The following ITPK1 variants were observed in gnomAD, a reference collection of about 807,000 sequenced individuals.
ITPK1 encodes the protein inositol 1,3,4-trisphosphate 5/6-kinase.
In ITPK1, 21 loss-of-function variants were observed where a neutral mutation model predicts 45.3. The observed-to-expected ratio is 0.46, with a 90% CI of 0.33 to 0.67. The LOEUF (loss-of-function observed/expected upper bound fraction) is 0.67, where lower values mean the gene tolerates loss of function less well. ITPK1 is among the 30% of genes least tolerant of loss of function. The pLI is 0.02. For synonymous variants in ITPK1, 258 were observed against 253.6 expected, an observed-to-expected ratio of 1.02 and a Z score of -0.16; for missense variants, 474 against 573.5, an observed-to-expected ratio of 0.83 and a Z score of 1.77.
At chr14:93,060,427 C>T (rs567591752) in intron 3 of ITPK1, among the ~76,000 whole-genome samples, 2 of 152,118 alleles carry the variant, frequency 1.3e-5, no homozygotes, top group East Asian at 1.9e-4. Context: ...GCCACAGAGA[C>T]GAGCACAGAA....
rs974122701 is a variant in ITPK1, at chr14:93,076,105, T to C, written c.120+490A>G. Among the ~76,000 whole-genome samples the C allele has an allele frequency of 1.3e-5, 2 of 151,382 alleles. No homozygotes were observed. Among genetic ancestry groups the C allele is most frequent in the African/African-American group, 4.9e-5 (2 of 41,200 alleles). The stretch of plus-strand genomic sequence containing the variant: ...TCCATCCTTCCTTCTCCCTCCATCC[T>C]TCCTTCTCCCTCCATCTGTCCACCT... On this transcript the variant is annotated intron_variant, in intron 3 of 10. Coordinates refer to ENST00000267615, the MANE Select transcript of ITPK1 (RefSeq NM_014216.6). The surrounding 1 kb of genome is among the most constrained non-coding windows in gnomAD (Gnocchi z 4.3).
intron 3 of ITPK1, among the ~76,000 whole-genome samples, chr14:93,019,485 T>A (rs1888359341): frequency 6.6e-6 from 1 of 152,202 alleles, no homozygotes; most frequent in South Asian, 2.1e-4. Flanking sequence ...TCCAAGCATT[T>A]TCATGCCAGT....
At chr14:93,040,012 C>T (rs964071880) in intron 3 of ITPK1, among the ~76,000 whole-genome samples, 1 of 152,268 alleles carries the variant, frequency 6.6e-6, no homozygotes, top group African/African-American at 2.4e-5. Context: ...CTCCTGCCAG[C>T]CCCTGCTGGG....
At chr14:92,949,565 C>T (rs1887859782) in intron 9 of ITPK1, among the ~76,000 whole-genome samples, 1 of 152,210 alleles carries the variant, frequency 6.6e-6, no homozygotes, top group Admixed American at 6.5e-5. Flanking sequence ...TACCCTAAGC[C>T]ATAACAGAAC....
intron 5 of ITPK1, among the ~76,000 whole-genome samples, chr14:92,991,949 C>T (rs1357632348): frequency 6.6e-6 from 1 of 152,220 alleles, no homozygotes; most frequent in Non-Finnish European, 1.5e-5. Flanking sequence ...TATCCTGACC[C>T]CTGACCCCGT....
intron 4 of ITPK1, among the ~76,000 whole-genome samples, chr14:92,995,928 C>T (rs1045244094): frequency 4.6e-5 from 7 of 152,254 alleles, no homozygotes; most frequent in African/African-American, 9.6e-5. Context: ...CCTGATCCCT[C>T]GTCTCATTTG....
At position 92,995,135 on chromosome 14, in the gene ITPK1, G is replaced by A. The variant is rs368581276; in HGVS notation, c.247-1138C>T. Among the ~76,000 whole-genome samples the A allele has an allele frequency of 9.8e-5, 15 of 152,322 alleles. No individual in the cohort carries two copies. The East Asian group carries it at 1.2e-3, about 12-fold the overall frequency. On this transcript the variant is annotated intron_variant, in intron 4 of 10. Transcript: ENST00000267615. The stretch of plus-strand genomic sequence containing the variant: ...GCCTCCGGAGGGAGCCACTGCTGAC[G>A]CCCTGACTGGAGCTGTTGGCCCCCT...
At chr14:93,057,593 A>G (rs2139941763) in intron 3 of ITPK1, among the ~76,000 whole-genome samples, 1 of 152,370 alleles carries the variant, frequency 6.6e-6, no homozygotes, top group South Asian at 2.1e-4. Context: ...TTTTCTGAAG[A>G]ATCAGGGATT....
intron 5 of ITPK1, among the ~76,000 whole-genome samples, chr14:92,993,278 C>T (rs1422560189): frequency 6.6e-6 from 1 of 152,254 alleles, no homozygotes; most frequent in African/African-American, 2.4e-5. Flanking sequence ...ATGAATCTCT[C>T]CACAAAGTCT....
chr14:93,007,405 G>A (rs1038271963), intron 4 of ITPK1, among the ~76,000 whole-genome samples: 1 of 118,592 alleles, frequency 8.4e-6, no homozygotes, highest in Non-Finnish European at 1.6e-5. Context: ...CCCAGAATAA[G>A]CCAATGCCTC....
chr14:93,082,008 A>G (rs927599983), intron 2 of ITPK1, among the ~76,000 whole-genome samples: 2 of 152,088 alleles, frequency 1.3e-5, no homozygotes, highest in South Asian at 2.1e-4. Context: ...TTCAGGGTTC[A>G]TCGCACTCCG....
intron 2 of ITPK1, among the ~76,000 whole-genome samples, chr14:93,100,411 C>A (rs745424774): frequency 1.3e-5 from 2 of 152,108 alleles, no homozygotes; most frequent in African/African-American, 4.8e-5. Context: ...ACCTAAGGAA[C>A]GCCACAGTGC....
At position 92,937,461 on chromosome 14, in the gene ITPK1, G is replaced by A. The variant is rs760385623; in HGVS notation, c.*4100C>T. ...CACCACCAGGTCACAGATGACTCTTGAAGGGAAAATGTAATCATTTCTGAA... is the reference window on the plus strand; with the variant it reads ...CACCACCAGGTCACAGATGACTCTTAAAGGGAAAATGTAATCATTTCTGAA... On this transcript the variant is annotated 3_prime_UTR_variant, in exon 11 of 11. Transcript: ENST00000267615. 1 of 152,172 alleles carries A rather than the reference G, an allele frequency of 6.6e-6. No homozygotes were observed. The highest frequency in any genetic ancestry group is 1.5e-5 in the Non-Finnish European group (1 of 68,048). 9.4% of individuals were successfully genotyped at this position (152,172 alleles called of 1,614,324 possible).
rs34131872 is a variant in ITPK1, at chr14:93,112,437, ATT to A, written c.95+2630_95+2631del. ...TTGCCCAAACATTAAGAGCAGGGCC[ATT>A]TTTTTTTTTTTTTTTTTTGAGATGG... is the stretch of plus-strand genomic sequence containing the variant. On this transcript the variant is annotated intron_variant, in intron 2 of 10. Coordinates refer to ENST00000267615, the MANE Select transcript of ITPK1 (RefSeq NM_014216.6). Among the ~76,000 whole-genome samples, 994 of 122,592 alleles carry A rather than the reference ATT, an allele frequency of 8.1e-3. 8 individuals carry two copies. The highest frequency in any genetic ancestry group is 0.029 in the African/African-American group (891 of 31,134). The allele number at this position is 122,592 out of a possible 152,430, so 80.4% of individuals were successfully genotyped here. A position where few individuals can be genotyped will look rare whatever the true frequency, so the allele number is the denominator to read the frequency against.
chr14:92,990,106 C>G (rs1480842105), intron 5 of ITPK1, among the ~76,000 whole-genome samples: 1 of 152,196 alleles, frequency 6.6e-6, no homozygotes, highest in Non-Finnish European at 1.5e-5. Flanking sequence ...CGAATTGTAG[C>G]TGGGCATGTG....
chr14:92,970,600 G>C (rs1470866611), intron 5 of ITPK1, among the ~76,000 whole-genome samples: 2 of 152,206 alleles, frequency 1.3e-5, no homozygotes, highest in African/African-American at 4.8e-5. Flanking sequence ...GCAGGGCACT[G>C]GGGACAGGAT....
chr14:93,092,082 T>C (rs1291885481), intron 2 of ITPK1, among the ~76,000 whole-genome samples: 1 of 152,146 alleles, frequency 6.6e-6, no homozygotes, highest in Non-Finnish European at 1.5e-5. Context: ...AGAACCCTTT[T>C]ATAAGCAAGG....
chr14:93,026,119 G>GA (rs1482084051), intron 3 of ITPK1, among the ~76,000 whole-genome samples: 1 of 151,852 alleles, frequency 6.6e-6, no homozygotes, highest in Non-Finnish European at 1.5e-5. Context: ...TAAAAAAAAA[G>GA]AAAAAAAGAA....
chr14:92,955,855 G>A (rs1271275191), intron 8 of ITPK1, among the ~76,000 whole-genome samples: 1 of 152,212 alleles, frequency 6.6e-6, no homozygotes, highest in East Asian at 1.9e-4. Flanking sequence ...GTGAGGGCCG[G>A]AAAGAGGCCA....
Sources: allele counts gnomAD v4.1 joint callset (sites outside exome capture counted in the v4.1 genomes callset), GRCh38; gene constraint gnomAD v4.1.1; non-coding constraint Gnocchi (gnomAD v3.1); transcripts MANE v1.5; gene names NCBI Gene and HGNC (gene_info 2026-07-23, HGNC 2026-07-21).